The following ATP10B variants were observed in gnomAD, a reference collection of about 807,000 sequenced individuals.
ATP10B encodes ATPase phospholipid transporting 10B (putative), also known as phospholipid-transporting ATPase VB.
ATP10B carries 122 observed loss-of-function variants against 141.2 expected under a neutral mutation model. The observed-to-expected ratio is 0.86, with a 90% CI of 0.75 to 1.00. The LOEUF is 1.00. Among genes scored for constraint, ATP10B ranks in the 50% least tolerant of loss-of-function variants. ATP10B has a pLI of 0.00. For synonymous variants in ATP10B, 685 were observed against 692.0 expected, an observed-to-expected ratio of 0.99 and a Z score of 0.16; for missense variants, 1,876 against 1,825.3, an observed-to-expected ratio of 1.03 and a Z score of -0.51.
intron 2 of ATP10B, among the ~76,000 whole-genome samples, chr5:160,740,705 T>C (rs970127934): frequency 3.9e-5 from 6 of 152,210 alleles, no homozygotes; most frequent in African/African-American, 1.4e-4. Context: ...TAGGTAATGG[T>C]ACATTGGCAC....
chr5:160,911,889 A>T, the ATP10B span, among the ~76,000 whole-genome samples: 1 of 152,210 alleles, frequency 6.6e-6, no homozygotes, highest in Non-Finnish European at 1.5e-5. Context: ...GATGCACTAG[A>T]GATCTTAGAC....
intron 3 of ATP10B, among the ~76,000 whole-genome samples, chr5:160,704,624 T>C (rs192675817): frequency 5.1e-4 from 78 of 152,320 alleles, no homozygotes; most frequent in Admixed American, 1.6e-3. Context: ...TGTTCTTTGA[T>C]ATTTTGAAGC....
intron 6 of ATP10B, among the ~76,000 whole-genome samples, chr5:160,674,366 G>T (rs2127730482): frequency 6.6e-6 from 1 of 152,278 alleles, no homozygotes; most frequent in Admixed American, 6.5e-5. Context: ...AGGAGCTTGT[G>T]GCATATGTGT....
chr5:160,863,539 T>C, the ATP10B span, among the ~76,000 whole-genome samples: 2 of 151,648 alleles, frequency 1.3e-5, no homozygotes, highest in African/African-American at 4.8e-5. Flanking sequence ...ACCTAATCTC[T>C]CACCTCAAGA....
In ATP10B at chr5:160,620,761, C is replaced by T. The variant is rs1758290977; in HGVS notation, c.2002G>A (p.Val668Met). The change falls in exon 15 of 26, where the codon GTG (valine) becomes ATG (methionine). Residue 668 changes from valine (V) to methionine (M), a missense_variant. Coordinates refer to ENST00000327245, the MANE Select transcript of ATP10B (RefSeq NM_025153.3). ...TCAGTGGAGTCACCTCCACTGCACA[C>T]AGATGCATCATCTCTCTCATCCGAG... ...TDSDERDDAS[V>M]CSGGDSTDDG... 3 of 1,614,104 alleles carry T rather than the reference C, an allele frequency of 1.9e-6. No individual in the cohort carries two copies. Among genetic ancestry groups the T allele is most frequent in the Non-Finnish European group, 2.5e-6 (3 of 1,180,038 alleles).
At chr5:160,856,811 CATTA>C (rs1754011360), upstream of ATP10B, among the ~76,000 whole-genome samples, 1 of 151,706 alleles carries the variant, frequency 6.6e-6, no homozygotes, top group Non-Finnish European at 1.5e-5. Flanking sequence ...TTAATTAATG[CATTA>C]ATTGATATGA....
chr5:160,812,055 AGAGAGGGAGAGG>A (rs1238250934), intron 1 of ATP10B, among the ~76,000 whole-genome samples: 26 of 124,194 alleles, frequency 2.1e-4, no homozygotes, highest in African/African-American at 8.7e-4. Flanking sequence ...AGAGAGAGAG[AGAGAGGGAGAGG>A]GAGAGAGATT....
intron 2 of ATP10B, among the ~76,000 whole-genome samples, chr5:160,726,383 T>C (rs1766359274): frequency 6.6e-6 from 1 of 152,076 alleles, no homozygotes; most frequent in African/African-American, 2.4e-5. Context: ...GGAAAACACA[T>C]TTTCATCTTC....
chr5:160,889,769 T>G, the ATP10B span, among the ~76,000 whole-genome samples: 2 of 152,154 alleles, frequency 1.3e-5, no homozygotes, highest in African/African-American at 4.8e-5. Context: ...ACCAAAATCC[T>G]GAATAGGCCT....
At chr5:160,801,332 C>T (rs1303292492) in intron 1 of ATP10B, among the ~76,000 whole-genome samples, 1 of 152,152 alleles carries the variant, frequency 6.6e-6, no homozygotes, top group African/African-American at 2.4e-5. Context: ...TCACGAAGTC[C>T]TCCAGGTAAA....
the ATP10B span, among the ~76,000 whole-genome samples, chr5:160,882,365 T>C: frequency 2.0e-5 from 3 of 152,166 alleles, no homozygotes; most frequent in African/African-American, 4.8e-5. Flanking sequence ...GGATGGGATA[T>C]GTAGGAAGTC....
chr5:160,817,855 G>A (rs1381388194), intron 1 of ATP10B, among the ~76,000 whole-genome samples: 3 of 152,056 alleles, frequency 2.0e-5, no homozygotes, highest in South Asian at 2.1e-4. Context: ...CATATCTACA[G>A]CCATCTGATC....
intron 24 of ATP10B, among the ~76,000 whole-genome samples, chr5:160,572,091 C>T (rs1754909914): frequency 6.6e-6 from 1 of 152,168 alleles, no homozygotes; most frequent in Admixed American, 6.5e-5. Context: ...TGCCAATACC[C>T]TTAAGAAAAG....
chr5:160,688,669 A>T, intron 4 of ATP10B, 91 bp downstream of exon 4: 1 of 673,474 alleles, frequency 1.5e-6, no homozygotes, highest in Non-Finnish European at 1.8e-6. Flanking sequence ...ATATTGGGAC[A>T]CATCTTAAAA....
intron 2 of ATP10B, among the ~76,000 whole-genome samples, chr5:160,747,924 C>T (rs1767908058): frequency 6.6e-6 from 1 of 151,160 alleles, no homozygotes; most frequent in African/African-American, 2.4e-5. Flanking sequence ...CTCAAGTCCA[C>T]CATAGACCCT....
chr5:160,820,864 G>T (rs1774049672), intron 1 of ATP10B, among the ~76,000 whole-genome samples: 1 of 152,018 alleles, frequency 6.6e-6, no homozygotes, highest in Admixed American at 6.6e-5. Context: ...AAAACCCTAA[G>T]AAAGCTGGGT....
intron 1 of ATP10B, among the ~76,000 whole-genome samples, chr5:160,811,285 T>C (rs1222239890): frequency 6.6e-6 from 1 of 152,158 alleles, no homozygotes; most frequent in African/African-American, 2.4e-5. Context: ...TTCCTTCTGC[T>C]TGAGAAAAGC....
intron 1 of ATP10B, among the ~76,000 whole-genome samples, chr5:160,850,560 T>C (rs1311757678): frequency 6.6e-6 from 1 of 152,226 alleles, no homozygotes; most frequent in Non-Finnish European, 1.5e-5. Context: ...ACTAGGCAGC[T>C]AGACTAAGTT....
intron 24 of ATP10B, among the ~76,000 whole-genome samples, chr5:160,573,888 AG>A (rs1400657245): frequency 6.6e-6 from 1 of 152,182 alleles, no homozygotes; most frequent in Admixed American, 6.5e-5. Context: ...ATGAATATTT[AG>A]GCCCCCTTTT....
Sources: gnomAD v4.1 joint callset for allele counts (sites outside exome capture counted in the v4.1 genomes callset) on GRCh38, gnomAD v4.1.1 for gene constraint, MANE v1.5 for transcripts, NCBI Gene and HGNC (gene_info 2026-07-23, HGNC 2026-07-21) for gene names.